The following SHANK2 variants were observed in gnomAD, a reference collection of about 807,000 sequenced individuals.
SHANK2 encodes SH3 and multiple ankyrin repeat domains protein 2.
Under a neutral mutation model 133.7 loss-of-function variants are expected in SHANK2, and 43 were observed. The ratio of observed to expected loss-of-function variants is 0.32; its 90% CI spans 0.25 to 0.41. The LOEUF (loss-of-function observed/expected upper bound fraction) is 0.41. SHANK2 is among the 10% of genes least tolerant of loss of function. The pLI, the probability that SHANK2 is intolerant of heterozygous loss-of-function variation, is 1.00. For missense variants in SHANK2, 1,994 were observed against 2,235.8 expected, an observed-to-expected ratio of 0.89 and a Z score of 2.18; for synonymous variants, 1,017 against 952.8, an observed-to-expected ratio of 1.07 and a Z score of -1.24.
In SHANK2 at chr11:70,804,204, G is replaced by C. The variant is rs1948113156; in HGVS notation, c.1663+2798C>G. Among the ~76,000 whole-genome samples the C allele has an allele frequency of 6.6e-6, 1 of 152,192 alleles. No homozygotes were observed. Among genetic ancestry groups the C allele is most frequent in the Non-Finnish European group, 1.5e-5 (1 of 68,022 alleles). On this transcript the variant is annotated intron_variant, in intron 13 of 25. Transcript: ENST00000601538. This position sits in a 1 kb window ranked among gnomAD's most constrained non-coding sequence, Gnocchi z 4.1. ...ATGATTGTTCCCTTGATATCAAGGGGACAGAATTCCTCCAAACGGCCTTGG... is the reference window on the plus strand; with the variant it reads ...ATGATTGTTCCCTTGATATCAAGGGCACAGAATTCCTCCAAACGGCCTTGG...
intron 10 of SHANK2, among the ~76,000 whole-genome samples, chr11:70,927,385 T>G (rs1409936908): frequency 1.3e-5 from 2 of 152,080 alleles, no homozygotes; most frequent in Non-Finnish European, 2.9e-5. Context: ...CACTGCCTGG[T>G]GTGACGGACT....
chr11:71,084,033 A>T (rs952441539), intron 8 of SHANK2, among the ~76,000 whole-genome samples: 2 of 150,272 alleles, frequency 1.3e-5, no homozygotes, highest in East Asian at 3.9e-4. Flanking sequence ...GCAGTGGCGC[A>T]GTCTCAGCTC....
intron 8 of SHANK2, among the ~76,000 whole-genome samples, chr11:71,079,927 A>T (rs1343664949): frequency 1.2e-5 from 1 of 85,308 alleles, no homozygotes; most frequent in African/African-American, 4.6e-5. Flanking sequence ...AAGGGGAGGG[A>T]AGGAGAGGAG....
chr11:70,873,828 T>C (rs1949511100), intron 11 of SHANK2, among the ~76,000 whole-genome samples: 1 of 152,024 alleles, frequency 6.6e-6, no homozygotes, highest in African/African-American at 2.4e-5. Context: ...GTGATGCCAG[T>C]GAGAAGACCA....
intron 6 of SHANK2, among the ~76,000 whole-genome samples, chr11:71,103,732 T>C (rs964512324): frequency 7.2e-5 from 11 of 152,108 alleles, no homozygotes; most frequent in Non-Finnish European, 1.2e-4. Flanking sequence ...AGATTTGTCA[T>C]GAATGGTTTA....
chr11:71,146,107 C>T (rs1555106652), intron 3 of SHANK2, among the ~76,000 whole-genome samples: 4 of 152,224 alleles, frequency 2.6e-5, no homozygotes, highest in South Asian at 2.1e-4. Context: ...GGTGGACAGA[C>T]GGCGTGTGAA....
chr11:70,568,987 G>A (rs1418408496), intron 17 of SHANK2, among the ~76,000 whole-genome samples: 4 of 152,188 alleles, frequency 2.6e-5, no homozygotes, highest in African/African-American at 7.2e-5. Context: ...GACTGCTCAC[G>A]TTCTCTGAAG....
intron 11 of SHANK2, among the ~76,000 whole-genome samples, chr11:70,825,099 C>A (rs1040653080): frequency 3.9e-5 from 6 of 152,094 alleles, no homozygotes; most frequent in Non-Finnish European, 7.3e-5. Flanking sequence ...TTCCCCGCCC[C>A]GACAATGCAG....
Position 70,500,114 on chromosome 11 carries a change from A to G in SHANK2, c.2308+456T>C, listed in dbSNP as rs1227803032. Reference sequence around the variant, plus strand: ...GGGGAGGTGTAGCCAAAGGGCTCACACTGCTCCCTTCTCCTTCTAGTGCCC... The same window carrying G: ...GGGGAGGTGTAGCCAAAGGGCTCACGCTGCTCCCTTCTCCTTCTAGTGCCC... On this transcript the variant is annotated intron_variant, in intron 21 of 25. Coordinates refer to ENST00000601538, the MANE Select transcript of SHANK2 (RefSeq NM_012309.5). This position sits in a 1 kb window ranked among gnomAD's most constrained non-coding sequence, Gnocchi z 4.5. Among the ~76,000 whole-genome samples, 1 of 152,130 alleles carries G rather than the reference A, an allele frequency of 6.6e-6. No individual in the cohort carries two copies. The highest frequency in any genetic ancestry group is 2.4e-5 in the African/African-American group (1 of 41,450).
chr11:71,177,913 T>C (rs1953478100), intron 2 of SHANK2, among the ~76,000 whole-genome samples: 1 of 152,086 alleles, frequency 6.6e-6, no homozygotes, highest in Non-Finnish European at 1.5e-5. Context: ...ATAATGATAA[T>C]AATAAGTGGA....
intron 2 of SHANK2, among the ~76,000 whole-genome samples, chr11:71,212,797 T>C (rs535222006): frequency 6.6e-6 from 1 of 152,326 alleles, no homozygotes; most frequent in South Asian, 2.1e-4. Flanking sequence ...GAATCCCTGC[T>C]CTGGTAGGAG....
chr11:70,554,851 G>A (rs1285223958), intron 17 of SHANK2, among the ~76,000 whole-genome samples: 1 of 142,262 alleles, frequency 7.0e-6, no homozygotes, highest in East Asian at 2.0e-4. Context: ...TTTTTTTTGA[G>A]AATGTCATAT....
intron 2 of SHANK2, among the ~76,000 whole-genome samples, chr11:71,150,253 A>AGGAGAG (rs1368437604): frequency 4.8e-5 from 1 of 20,740 alleles, no homozygotes; most frequent in Non-Finnish European, 8.7e-5. Context: ...GAGGGAGGGA[A>AGGAGAG]GGAGGGAGGG....
At chr11:71,237,247 G>C (rs543523608) in intron 1 of SHANK2, among the ~76,000 whole-genome samples, 1 of 152,198 alleles carries the variant, frequency 6.6e-6, no homozygotes, top group Non-Finnish European at 1.5e-5. Flanking sequence ...GAGCCCGGCT[G>C]TAGTGGGCAA....
chr11:71,214,382 G>T (rs1555119349), intron 2 of SHANK2, among the ~76,000 whole-genome samples: 2 of 152,110 alleles, frequency 1.3e-5, no homozygotes, highest in Admixed American at 1.3e-4. Context: ...ACAAACCAGG[G>T]CTCCCCAGGC....
In SHANK2 at chr11:70,806,000, C is replaced by A. The variant is rs143695186; in HGVS notation, c.1663+1002G>T. Among the ~76,000 whole-genome samples the A allele has an allele frequency of 2.5e-3, 386 of 152,360 alleles. 3 individuals carry two copies. Among genetic ancestry groups the A allele is most frequent in the African/African-American group, 9.0e-3 (376 of 41,578 alleles). On this transcript the variant is annotated intron_variant, in intron 13 of 25. Transcript: ENST00000601538. The stretch of plus-strand genomic sequence containing the variant: ...AGGCAAGAGGGCGGGGCTCTGCCAT[C>A]ATTAGAATGTTGCAGTAACCCAGGT...
At chr11:70,589,734 G>A (rs1591618371) in intron 17 of SHANK2, among the ~76,000 whole-genome samples, 1 of 152,194 alleles carries the variant, frequency 6.6e-6, no homozygotes, top group African/African-American at 2.4e-5. Flanking sequence ...TTCATGGGAG[G>A]AGGCCAGTAT....
Position 70,492,437 on chromosome 11 carries a change from G to C in SHANK2, c.2337C>G (p.Ser779=). 1 of 1,614,036 alleles carries C rather than the reference G, an allele frequency of 6.2e-7. No individual in the cohort carries two copies. The change falls in exon 22 of 26, where the codon TCC becomes TCG. Residue 779 remains serine (S), a synonymous_variant. Coordinates refer to ENST00000601538, the MANE Select transcript of SHANK2 (RefSeq NM_012309.5). ...KDKPEEIVPA[S]KPSRAAENMA... ...TGTTCTCAGCAGCGCGGGAGGGCTTGGAGGCCGGGACTATCTCCTCGGGTT... is the reference window on the plus strand; with the variant it reads ...TGTTCTCAGCAGCGCGGGAGGGCTTCGAGGCCGGGACTATCTCCTCGGGTT...
intron 12 of SHANK2, among the ~76,000 whole-genome samples, chr11:70,808,220 G>A (rs1461364634): frequency 6.6e-6 from 1 of 151,946 alleles, no homozygotes; most frequent in African/African-American, 2.4e-5. Flanking sequence ...TTATTTATTT[G>A]AGACAAAGTC....
Sources: allele counts gnomAD v4.1 joint callset (sites outside exome capture counted in the v4.1 genomes callset), GRCh38; gene constraint gnomAD v4.1.1; non-coding constraint Gnocchi (gnomAD v3.1); transcripts MANE v1.5; gene names NCBI Gene and HGNC (gene_info 2026-07-23, HGNC 2026-07-21).